Variants in DISP1 observed in about 807,000 individuals in gnomAD.
The protein encoded by DISP1 is protein dispatched homolog 1.
In DISP1, 30 loss-of-function variants were observed where a neutral mutation model predicts 37.3. The observed-to-expected ratio is 0.80, with a 90% CI of 0.60 to 1.09. The LOEUF (loss-of-function observed/expected upper bound fraction) is 1.09, where lower values mean the gene tolerates loss of function less well. Among genes scored for constraint, DISP1 ranks in the 50% least tolerant of loss-of-function variants. The probability of loss-of-function intolerance (pLI) is 0.00; values close to 1 mark genes in which losing one functional copy is unlikely to be tolerated. For missense variants in DISP1, 1,598 were observed against 1,879.5 expected, an observed-to-expected ratio of 0.85 and a Z score of 2.77; for synonymous variants, 634 against 690.2, an observed-to-expected ratio of 0.92 and a Z score of 1.28.
chr1:222,958,008 A>G lies in DISP1; in HGVS notation c.509+14676A>G, dbSNP rs190100207. ...ATGCAGAAAACCTATTTTTGAAGGTAACATCACGTAGAAATGCCTTCTTCA... is the reference window on the plus strand; with the variant it reads ...ATGCAGAAAACCTATTTTTGAAGGTGACATCACGTAGAAATGCCTTCTTCA... On this transcript the variant is annotated intron_variant, in intron 3 of 8. Coordinates refer to ENST00000675850, the MANE Select transcript of DISP1 (RefSeq NM_001377229.1). 2.2e-3 allele frequency among the ~76,000 whole-genome samples: 331 copies of G among 152,360 alleles called. 2 individuals carry two copies. Among genetic ancestry groups the G allele is most frequent in the African/African-American group, 7.4e-3 (306 of 41,590 alleles).
Position 223,003,519 on chromosome 1 carries a change from A to G in DISP1, c.2122A>G (p.Lys708Glu), listed in dbSNP as rs757047497. ...AGAAGCATCTCGAATTTTTTTCGAA[A>G]AAGTATTGCCATGCATTGTCATTAA... is the stretch of plus-strand genomic sequence containing the variant. ...ISEASRIFFE[K>E]VLPCIVIKFR... Residue 708 changes from lysine (K) to glutamate (E), a missense_variant, in exon 9 of 9, where the codon AAA (lysine) becomes GAA (glutamate). Coordinates refer to ENST00000675850, the MANE Select transcript of DISP1 (RefSeq NM_001377229.1). This position sits in a 1 kb window ranked among gnomAD's most constrained non-coding sequence, Gnocchi z 4.3. 1.9e-6 allele frequency: 3 copies of G among 1,614,068 alleles called. No homozygotes were observed. The highest frequency in any genetic ancestry group is 2.5e-6 in the Non-Finnish European group (3 of 1,180,036).
At chr1:222,835,453 A>G (rs1666808157) in intron 1 of DISP1, among the ~76,000 whole-genome samples, 1 of 152,342 alleles carries the variant, frequency 6.6e-6, no homozygotes, top group African/African-American at 2.4e-5. Context: ...GACATGAACA[A>G]TGTAAATAAT....
At chr1:222,924,209 T>C (rs923269387) in intron 1 of DISP1, among the ~76,000 whole-genome samples, 3 of 152,234 alleles carry the variant, frequency 2.0e-5, no homozygotes, top group Admixed American at 6.5e-5. Context: ...TTGCTTGCAA[T>C]ATTGTCTTTG....
chr1:222,828,139 A>C (rs1664871073), intron 1 of DISP1, among the ~76,000 whole-genome samples: 1 of 152,230 alleles, frequency 6.6e-6, no homozygotes, highest in South Asian at 2.1e-4. Context: ...TGAAATTTTA[A>C]AAGCAGGTGA....
At chr1:222,988,711 T>C (rs1678463122) in intron 4 of DISP1, among the ~76,000 whole-genome samples, 1 of 148,870 alleles carries the variant, frequency 6.7e-6, no homozygotes, top group African/African-American at 2.5e-5. Context: ...TGGAGTGCAG[T>C]GATATGATCT....
chr1:222,940,975 G>A (rs924820924), intron 2 of DISP1, among the ~76,000 whole-genome samples: 13 of 152,274 alleles, frequency 8.5e-5, no homozygotes, highest in Admixed American at 3.9e-4. Flanking sequence ...AAAACGTCCA[G>A]TGCTTCTTTA....
intron 2 of DISP1, among the ~76,000 whole-genome samples, chr1:222,935,664 A>G (rs1200067414): frequency 6.6e-6 from 1 of 151,190 alleles, no homozygotes; most frequent in East Asian, 2.0e-4. Flanking sequence ...CCTTCAGGCT[A>G]TATGAGCCCT....
At chr1:222,988,739 C>T (rs777297329) in intron 4 of DISP1, among the ~76,000 whole-genome samples, 2 of 151,238 alleles carry the variant, frequency 1.3e-5, no homozygotes, top group African/African-American at 2.4e-5. Context: ...CTGCAACCTC[C>T]GCCTCCTGGG....
intron 1 of DISP1, among the ~76,000 whole-genome samples, chr1:222,819,441 A>G (rs761674548): frequency 3.9e-5 from 6 of 151,954 alleles, no homozygotes; most frequent in Non-Finnish European, 8.8e-5. Flanking sequence ...TGGAAAATGG[A>G]CAATTTAATG....
At chr1:222,944,673 T>C (rs1674637141) in intron 3 of DISP1, among the ~76,000 whole-genome samples, 1 of 152,252 alleles carries the variant, frequency 6.6e-6, no homozygotes, top group Non-Finnish European at 1.5e-5. Flanking sequence ...CAATCACTGC[T>C]GAGTTCTATT....
intron 2 of DISP1, among the ~76,000 whole-genome samples, chr1:222,938,873 G>C (rs1380920810): frequency 6.6e-6 from 1 of 151,508 alleles, no homozygotes; most frequent in Non-Finnish European, 1.5e-5. Flanking sequence ...TTCCTATTCT[G>C]GCTGGTCACC....
chr1:222,999,791 A>C (rs1434032810), intron 8 of DISP1, among the ~76,000 whole-genome samples: 5 of 152,178 alleles, frequency 3.3e-5, no homozygotes, highest in Non-Finnish European at 7.4e-5. Context: ...TTGGCATCCA[A>C]CTCAGGGTAG....
At chr1:222,950,563 G>A (rs1675142509) in intron 3 of DISP1, among the ~76,000 whole-genome samples, 1 of 151,788 alleles carries the variant, frequency 6.6e-6, no homozygotes, top group Admixed American at 6.6e-5. Context: ...TCGCACCACT[G>A]CACTCCGGCC....
intron 1 of DISP1, among the ~76,000 whole-genome samples, chr1:222,869,821 G>C (rs985731261): frequency 1.3e-5 from 2 of 151,520 alleles, no homozygotes; most frequent in Admixed American, 1.3e-4. Context: ...TAAGTTTTAG[G>C]GTACATGTGC....
At chr1:222,860,770 A>G (rs1668836112) in intron 1 of DISP1, among the ~76,000 whole-genome samples, 1 of 152,028 alleles carries the variant, frequency 6.6e-6, no homozygotes, top group Non-Finnish European at 1.5e-5. Context: ...CTGTAGTCCC[A>G]GCTACCTGAG....
At chr1:222,855,808 A>G (rs1255824920) in intron 1 of DISP1, among the ~76,000 whole-genome samples, 1 of 152,022 alleles carries the variant, frequency 6.6e-6, no homozygotes. Flanking sequence ...ATAATTTATA[A>G]GCTATAGAGG....
chr1:222,927,331 T>A (rs1169501956), intron 1 of DISP1, among the ~76,000 whole-genome samples: 1 of 152,168 alleles, frequency 6.6e-6, no homozygotes, highest in African/African-American at 2.4e-5. Context: ...ATGTGCATAT[T>A]GGCCATTTGT....
intron 1 of DISP1, among the ~76,000 whole-genome samples, chr1:222,858,401 A>G (rs1326679205): frequency 3.9e-5 from 6 of 152,328 alleles, no homozygotes; most frequent in African/African-American, 1.4e-4. Flanking sequence ...AGGCAATACC[A>G]TTCAGGACAT....
At chr1:222,972,073 C>T (rs1044145034) in intron 3 of DISP1, among the ~76,000 whole-genome samples, 3 of 151,866 alleles carry the variant, frequency 2.0e-5, no homozygotes, top group East Asian at 1.9e-4. Flanking sequence ...TAGATATTTT[C>T]GATTATAGTT....
Sources: gnomAD v4.1 joint callset for allele counts (sites outside exome capture counted in the v4.1 genomes callset) on GRCh38, gnomAD v4.1.1 for gene constraint, Gnocchi (gnomAD v3.1) non-coding constraint, MANE v1.5 for transcripts, NCBI Gene and HGNC (gene_info 2026-07-23, HGNC 2026-07-21) for gene names.